The following KIF26B variants were observed in gnomAD, a reference collection of about 807,000 sequenced individuals.
KIF26B encodes the protein kinesin-like protein KIF26B.
Under a neutral mutation model 151.2 loss-of-function variants are expected in KIF26B, and 63 were observed. That is an observed-to-expected ratio of 0.42 (90% CI 0.34 to 0.51). The LOEUF (loss-of-function observed/expected upper bound fraction) is 0.51. Ranked by LOEUF, KIF26B falls within the 20% of genes least tolerant of loss-of-function variation. The probability of loss-of-function intolerance (pLI) is 0.07; values close to 1 mark genes in which losing one functional copy is unlikely to be tolerated. For missense variants in KIF26B, 2,813 were observed against 2,913.6 expected (o/e 0.97, Z 0.79); for synonymous variants, 1,357 against 1,262.1 (o/e 1.08, Z -1.59).
At chr1:245,662,879 C>T (rs2044171664) in intron 10 of KIF26B, among the ~76,000 whole-genome samples, 1 of 151,816 alleles carries the variant, frequency 6.6e-6, no homozygotes. Context: ...CTTTCTGTGG[C>T]CTTGCTTGTT....
intron 2 of KIF26B, among the ~76,000 whole-genome samples, chr1:245,206,142 TA>T (rs1480130853): frequency 1.1e-4 from 16 of 152,208 alleles, no homozygotes; most frequent in African/African-American, 3.9e-4. Flanking sequence ...CTCTTATATT[TA>T]CTCAAACATA....
chr1:245,366,723 A>G, intron 2 of KIF26B, 111 bp from the exon 3 acceptor site: 2 of 1,020,556 alleles, frequency 2.0e-6, no homozygotes, highest in South Asian at 3.2e-5. Context: ...CAATCAAACT[A>G]TCCAACTCTT....
At chr1:245,421,672 A>G (rs1658490286) in intron 4 of KIF26B, among the ~76,000 whole-genome samples, 1 of 152,172 alleles carries the variant, frequency 6.6e-6, no homozygotes, top group Non-Finnish European at 1.5e-5. Context: ...TGACTGACTC[A>G]CAAGGCAACC....
At chr1:245,193,034 C>T (rs922469858) in intron 2 of KIF26B, among the ~76,000 whole-genome samples, 3 of 152,214 alleles carry the variant, frequency 2.0e-5, no homozygotes, top group African/African-American at 7.2e-5. Context: ...GAGACTCACC[C>T]TTCTCTTACC....
chr1:245,162,434 G>A (rs1230918279), intron 2 of KIF26B, among the ~76,000 whole-genome samples: 4 of 127,158 alleles, frequency 3.1e-5, no homozygotes, highest in African/African-American at 1.2e-4. Context: ...TGCCCAGGCT[G>A]GAGTACAGTG....
chr1:245,192,419 A>T (rs936115080), intron 2 of KIF26B, among the ~76,000 whole-genome samples: 7 of 152,186 alleles, frequency 4.6e-5, no homozygotes, highest in South Asian at 2.1e-4. Flanking sequence ...TCCCCTAGTA[A>T]ACTGTGTTTC....
In KIF26B at chr1:245,540,911, G is replaced by A. The variant is rs1362098984; in HGVS notation, c.1311G>A (p.Arg437=). The A allele has an allele frequency of 3.1e-6, 5 of 1,613,918 alleles. No homozygotes were observed. The highest frequency in any genetic ancestry group is 1.3e-5 in the African/African-American group (1 of 75,034). Residue 437 remains arginine, a synonymous_variant, in exon 5 of 15, where the codon AGG becomes AGA. Coordinates refer to ENST00000407071, the MANE Select transcript of KIF26B (RefSeq NM_018012.4). The surrounding 1 kb of genome is among the most constrained non-coding windows in gnomAD (Gnocchi z 4.6). ...CCCCAGCCCCACCCTGCCTGCTGAG[G>A]GCTGTCAACAAGGTGAAGGACACCC... ...SPPPAPPCLL[R]AVNKVKDTPG...
At chr1:245,379,838 G>T (rs1392526860) in intron 3 of KIF26B, among the ~76,000 whole-genome samples, 2 of 151,984 alleles carry the variant, frequency 1.3e-5, no homozygotes, top group Non-Finnish European at 2.9e-5. Flanking sequence ...AGGCATGGTG[G>T]CATGTGCCTG....
At chr1:245,291,118 C>G (rs558821951) in intron 2 of KIF26B, among the ~76,000 whole-genome samples, 18 of 152,320 alleles carry the variant, frequency 1.2e-4, no homozygotes, top group African/African-American at 3.1e-4. Context: ...TATGCATGAC[C>G]TCTTGAGGCC....
At chr1:245,319,529 CAAAAT>C (rs1671844272) in intron 2 of KIF26B, among the ~76,000 whole-genome samples, 1 of 149,760 alleles carries the variant, frequency 6.7e-6, no homozygotes, top group Non-Finnish European at 1.5e-5. Context: ...TTTTTTTAAT[CAAAAT>C]AAAACACTGA....
At chr1:245,305,953 A>AG (rs1283336996) in intron 2 of KIF26B, among the ~76,000 whole-genome samples, 5 of 151,490 alleles carry the variant, frequency 3.3e-5, no homozygotes, top group Non-Finnish European at 5.9e-5. Flanking sequence ...AAAAAAAAAA[A>AG]AAAAGAAAAG....
chr1:245,427,630 A>G (rs1658679651), intron 4 of KIF26B, among the ~76,000 whole-genome samples: 2 of 152,228 alleles, frequency 1.3e-5, no homozygotes, highest in South Asian at 4.1e-4. Flanking sequence ...ACAAACAAAG[A>G]AAAAGCCCTT....
At chr1:245,180,358 G>C (rs918876932) in intron 2 of KIF26B, among the ~76,000 whole-genome samples, 1 of 152,108 alleles carries the variant, frequency 6.6e-6, no homozygotes. Flanking sequence ...GGGAGTCTGC[G>C]TTCTAATTCT....
intron 3 of KIF26B, among the ~76,000 whole-genome samples, chr1:245,388,077 C>T (rs981361667): frequency 1.3e-5 from 2 of 152,158 alleles, no homozygotes; most frequent in African/African-American, 4.8e-5. Context: ...CTCTGGGAGA[C>T]GAGCGCTGTC....
chr1:245,679,457 G>GGTT (rs2044400839), intron 10 of KIF26B, among the ~76,000 whole-genome samples: 1 of 59,176 alleles, frequency 1.7e-5, no homozygotes. Flanking sequence ...TTTTGTGTGT[G>GGTT]TTTTTTTTTT....
At chr1:245,457,339 C>T (rs769474107) in intron 4 of KIF26B, among the ~76,000 whole-genome samples, 46 of 152,298 alleles carry the variant, frequency 3.0e-4, no homozygotes, top group Admixed American at 4.6e-4. Context: ...AAACAATATT[C>T]CACATCCACA....
intron 5 of KIF26B, among the ~76,000 whole-genome samples, chr1:245,543,503 G>A (rs577415604): frequency 6.6e-6 from 1 of 151,174 alleles, no homozygotes; most frequent in African/African-American, 2.4e-5. Context: ...ATCGGTCTGG[G>A]GTCACAGAAC....
chr1:245,562,003 G>A (rs1045314564), intron 5 of KIF26B, among the ~76,000 whole-genome samples: 2 of 152,082 alleles, frequency 1.3e-5, no homozygotes, highest in African/African-American at 4.8e-5. Flanking sequence ...TTTCTCCCAG[G>A]GCCGTTGCGG....
chr1:245,478,749 C>A (rs1330608343), intron 4 of KIF26B, among the ~76,000 whole-genome samples: 1 of 151,612 alleles, frequency 6.6e-6, no homozygotes, highest in African/African-American at 2.4e-5. Flanking sequence ...CTTTGGCTGC[C>A]TGTTGGGTAT....
Sources: allele counts gnomAD v4.1 joint callset (sites outside exome capture counted in the v4.1 genomes callset), GRCh38; gene constraint gnomAD v4.1.1; non-coding constraint Gnocchi (gnomAD v3.1); transcripts MANE v1.5; gene names NCBI Gene and HGNC (gene_info 2026-07-23, HGNC 2026-07-21).